Variants in CTSC observed in about 807,000 individuals in gnomAD.
CTSC encodes cathepsin C.
CTSC carries 37 observed loss-of-function variants against 40.9 expected under a neutral mutation model. The ratio of observed to expected loss-of-function variants is 0.91; its 90% CI spans 0.70 to 1.19. CTSC has a LOEUF of 1.19. Among genes scored for constraint, CTSC ranks in the 50% most tolerant of loss-of-function variants. CTSC has a pLI of 0.00. For synonymous variants in CTSC, 232 were observed against 207.4 expected (o/e 1.12, Z -1.02); for missense variants, 594 against 567.3 (o/e 1.05, Z -0.48).
Position 88,294,504 on chromosome 11 carries a change from A to G in CTSC, c.894T>C (p.Cys298=). 6.2e-7 allele frequency: 1 copy of G among 1,614,164 alleles called. No homozygotes were observed. Among genetic ancestry groups the G allele is most frequent in the Non-Finnish European group, 8.5e-7 (1 of 1,180,014 alleles). Residue 298 remains cysteine, a synonymous_variant, in exon 7 of 7, where the codon TGT becomes TGC. Transcript: ENST00000227266. ...VVSCSQYAQG[C]EGGFPYLIAG... ...CAATAAGGTATGGGAAGCCGCCTTC[A>G]CAGCCTGAAGATGAATAACACACAT...
intron 2 of CTSC, among the ~76,000 whole-genome samples, chr11:88,328,994 A>C (rs1938267483): frequency 6.6e-6 from 1 of 152,172 alleles, no homozygotes; most frequent in South Asian, 2.1e-4. Flanking sequence ...TCAATTAGAA[A>C]GCCCTAAGAT....
In CTSC at chr11:88,294,235, T is replaced by C; in HGVS notation, c.1163A>G (p.Tyr388Cys). The change falls in exon 7 of 7, where the codon TAC (tyrosine) becomes TGC (cysteine). Residue 388 changes from tyrosine to cysteine, a missense_variant. Coordinates refer to ENST00000227266, the MANE Select transcript of CTSC (RefSeq NM_001814.6). Reference sequence around the variant, plus strand: ...AGGGTCTCTTAGACCAGTGTGGTGGTAGATCCCCTTTTTGTAGTGGAGGAA... The same window carrying C: ...AGGGTCTCTTAGACCAGTGTGGTGGCAGATCCCCTTTTTGTAGTGGAGGAA... ...DDFLHYKKGI[Y>C]HHTGLRDPFN... The C allele has an allele frequency of 6.2e-7, 1 of 1,613,982 alleles. No individual in the cohort carries two copies. The highest frequency in any genetic ancestry group is 8.5e-7 in the Non-Finnish European group (1 of 1,180,016).
intron 2 of CTSC, 30 bp from the exon 3 acceptor site, chr11:88,312,584 A>G: frequency 6.2e-7 from 1 of 1,613,324 alleles, no homozygotes; most frequent in Non-Finnish European, 8.5e-7. Flanking sequence ...AAGAAAACCA[A>G]GTAAAATCTG....
chr11:88,329,716 T>TTG (rs375785395), intron 2 of CTSC, among the ~76,000 whole-genome samples: 2,064 of 151,872 alleles, frequency 0.014, 42 homozygotes, highest in African/African-American at 0.047. Flanking sequence ...TGTTGTTACA[T>TTG]TGTGTGTGTG....
At chr11:88,336,237 TTAA>T (rs1441135857) in intron 1 of CTSC, among the ~76,000 whole-genome samples, 3 of 59,180 alleles carry the variant, frequency 5.1e-5, no homozygotes, top group African/African-American at 1.8e-4. Flanking sequence ...AAACTCAAAT[TTAA>T]AAAAAAAAAA....
chr11:88,293,698 CTA>C lies in CTSC; in HGVS notation c.*306_*307del, dbSNP rs1944265927. On this transcript the variant is annotated 3_prime_UTR_variant, in exon 7 of 7. Transcript: ENST00000227266. ...TGATTGGTACAATTTAAAAATAAGT[CTA>C]TGTTTTCACATTGATTTTAAAAAAT... 4 of 344,296 alleles carry C rather than the reference CTA, an allele frequency of 1.2e-5. No homozygotes were observed. Among genetic ancestry groups the C allele is most frequent in the South Asian group, 3.7e-5 (1 of 26,820 alleles). The allele number at this position is 344,296 out of a possible 1,614,324, so 21.3% of individuals were successfully genotyped here. A position where few individuals can be genotyped will look rare whatever the true frequency, so the allele number is the denominator to read the frequency against.
chr11:88,295,673 G>A (rs538532223), intron 6 of CTSC, among the ~76,000 whole-genome samples: 108 of 152,134 alleles, frequency 7.1e-4, no homozygotes, highest in Admixed American at 1.8e-3. Context: ...AAGCCACTGT[G>A]CCCAGCCCTA....
intron 4 of CTSC, among the ~76,000 whole-genome samples, chr11:88,301,833 C>G (rs988452376): frequency 6.6e-6 from 1 of 151,344 alleles, no homozygotes; most frequent in African/African-American, 2.4e-5. Flanking sequence ...CACACACACA[C>G]ACAGAGAGAG....
At chr11:88,316,044 A>C (rs1193757016) in intron 2 of CTSC, among the ~76,000 whole-genome samples, 1 of 151,704 alleles carries the variant, frequency 6.6e-6, no homozygotes, top group African/African-American at 2.4e-5. Flanking sequence ...TAACTGACTC[A>C]TGAGTCACGT....
chr11:88,330,113 G>A (rs979018161), intron 2 of CTSC, among the ~76,000 whole-genome samples: 1 of 152,284 alleles, frequency 6.6e-6, no homozygotes, highest in South Asian at 2.1e-4. Context: ...TTAGAAACTG[G>A]CCTGTAGATA....
intron 2 of CTSC, chr11:88,326,262 C>A: frequency 6.4e-7 from 1 of 1,556,962 alleles, no homozygotes; most frequent in Non-Finnish European, 8.7e-7. Flanking sequence ...AGGTAGGTCA[C>A]CAGGACTCCT....
In CTSC at chr11:88,294,222, A is replaced by G. The variant is rs773977769; in HGVS notation, c.1176T>C (p.Gly392=). The change falls in exon 7 of 7, where the codon GGT becomes GGC. Residue 392 remains glycine, a synonymous_variant. Coordinates refer to ENST00000227266, the MANE Select transcript of CTSC (RefSeq NM_001814.6). The stretch of plus-strand genomic sequence containing the variant: ...CAAAGGGGTTGAAAGGGTCTCTTAG[A>G]CCAGTGTGGTGGTAGATCCCCTTTT... ...HYKKGIYHHT[G]LRDPFNPFEL... 3.1e-6 allele frequency: 5 copies of G among 1,613,970 alleles called. No homozygotes were observed. Among genetic ancestry groups the G allele is most frequent in the East Asian group, 2.2e-5 (1 of 44,862 alleles).
At chr11:88,324,998 CTTCTA>C in intron 2 of CTSC, 5 of 985,192 alleles carry the variant, frequency 5.1e-6, no homozygotes, top group Non-Finnish European at 6.0e-6. Context: ...GAGAAAAATT[CTTCTA>C]TTCAAGCAGA....
chr11:88,318,282 C>T lies in CTSC; in HGVS notation c.319-5728G>A, dbSNP rs1937922819. 2.0e-5 allele frequency among the ~76,000 whole-genome samples: 3 copies of T among 152,188 alleles called. No individual in the cohort carries two copies. In the South Asian group the frequency reaches 6.2e-4, roughly 32 times the overall value. On this transcript the variant is annotated intron_variant, in intron 2 of 6. Transcript: ENST00000227266. ...GTCTGTCACTTATCATTTACGTAAC[C>T]TTGAGCAAGTCAAAACTAGTGAGCC...
chr11:88,319,408 T>C lies in CTSC; in HGVS notation c.319-6854A>G, dbSNP rs1469100853. Among the ~76,000 whole-genome samples the C allele has an allele frequency of 3.3e-5, 5 of 152,264 alleles. No homozygotes were observed. In the South Asian group the frequency reaches 6.2e-4, roughly 19 times the overall value. Reference sequence around the variant, plus strand: ...ATCCCTAATACCAATTGATAATTATTCTAAATCCTTCTAAAGCTGTGACAC... The same window carrying C: ...ATCCCTAATACCAATTGATAATTATCCTAAATCCTTCTAAAGCTGTGACAC... On this transcript the variant is annotated intron_variant, in intron 2 of 6. Coordinates refer to ENST00000227266, the MANE Select transcript of CTSC (RefSeq NM_001814.6).
chr11:88,315,852 G>T (rs948837561), intron 2 of CTSC, among the ~76,000 whole-genome samples: 1 of 151,916 alleles, frequency 6.6e-6, no homozygotes, highest in Non-Finnish European at 1.5e-5. Context: ...AAACCCAAAG[G>T]GCTTCCACCT....
rs139493581 is a variant in CTSC at position 88,318,437 on chromosome 11, T to C, written c.319-5883A>G. Among the ~76,000 whole-genome samples the C allele has an allele frequency of 3.4e-4, 52 of 152,328 alleles. No individual in the cohort carries two copies. In the East Asian group the frequency reaches 9.8e-3, roughly 29 times the overall value. ...TTATACAACATTAAACAAGTGACTA[T>C]ACTAACATTACCATCATTACCATGA... On this transcript the variant is annotated intron_variant, in intron 2 of 6. Transcript: ENST00000227266.
intron 2 of CTSC, among the ~76,000 whole-genome samples, chr11:88,326,884 G>A (rs1938208480): frequency 6.6e-6 from 1 of 152,116 alleles, no homozygotes; most frequent in Admixed American, 6.6e-5. Flanking sequence ...TTCTACTGGT[G>A]GAGCGGTCTC....
At chr11:88,313,365 A>G (rs949845285) in intron 2 of CTSC, among the ~76,000 whole-genome samples, 7 of 152,174 alleles carry the variant, frequency 4.6e-5, no homozygotes, top group Non-Finnish European at 1.5e-5. Flanking sequence ...ACAGTGAAAC[A>G]GAATCCTTTT....
Sources: allele counts gnomAD v4.1 joint callset (sites outside exome capture counted in the v4.1 genomes callset), GRCh38; gene constraint gnomAD v4.1.1; transcripts MANE v1.5; gene names NCBI Gene and HGNC (gene_info 2026-07-23, HGNC 2026-07-21).